ANLN: variants seen among roughly 807,000 people sequenced by gnomAD.
ANLN encodes anillin.
ANLN carries 59 observed loss-of-function variants against 135.1 expected under a neutral mutation model. The observed-to-expected ratio is 0.44, with a 90% CI of 0.35 to 0.54. ANLN has a LOEUF of 0.54. Ranked by LOEUF, ANLN falls within the 20% of genes least tolerant of loss-of-function variation. The probability of loss-of-function intolerance (pLI) is 0.00; values close to 1 mark genes in which losing one functional copy is unlikely to be tolerated. For synonymous variants in ANLN, 406 were observed against 456.4 expected (o/e 0.89, Z 1.41); for missense variants, 1,182 against 1,340.0 (o/e 0.88, Z 1.84).
intron 21 of ANLN, 57 bp from the exon 22 acceptor site, chr7:36,443,698 A>G: frequency 4.3e-6 from 5 of 1,150,362 alleles, no homozygotes; most frequent in Non-Finnish European, 6.4e-6. Context: ...TCAGCATTTC[A>G]TTGTTAGGAC....
At position 36,406,246 on chromosome 7, in the gene ANLN, A is replaced by G. The variant is rs61737563; in HGVS notation, c.553A>G (p.Arg185Gly). ...AGAGGAAAAGGCTGCTTCCCCTCCC[A>G]GACCTCTGCTTTCAAATGCCTCGGC... is the stretch of plus-strand genomic sequence containing the variant. ...PSEEKAASPP[R>G]PLLSNASATP... Residue 185 changes from arginine to glycine, a missense_variant, in exon 4 of 24, where the codon AGA becomes GGA. By Grantham distance (125) the Arg-to-Gly change is moderately radical (BLOSUM62 -2). Transcript: ENST00000265748. 21 of 1,613,962 alleles carry G rather than the reference A, an allele frequency of 1.3e-5. No individual in the cohort carries two copies. The highest frequency in any genetic ancestry group is 1.6e-4 in the Middle Eastern group (1 of 6,062).
In ANLN at chr7:36,409,865, T is replaced by G. The variant is rs62445298; in HGVS notation, c.1097-649T>G. ...TTTAGTATTTTTTATAGAGATGGGA[T>G]TCCTCCATGTTGCCCGGGCTGGTCT... On this transcript the variant is annotated intron_variant, in intron 5 of 23. Coordinates refer to ENST00000265748, the MANE Select transcript of ANLN (RefSeq NM_018685.5). Among the ~76,000 whole-genome samples, 257 of 152,218 alleles carry G rather than the reference T, an allele frequency of 1.7e-3. 1 individual carries two copies. The highest frequency in any genetic ancestry group is 4.4e-3 in the South Asian group (21 of 4,822).
chr7:36,446,104 C>T lies in ANLN; in HGVS notation c.3078+2242C>T, dbSNP rs746319089. Among the ~76,000 whole-genome samples, 8 of 152,064 alleles carry T rather than the reference C, an allele frequency of 5.3e-5. No homozygotes were observed. In the South Asian group the frequency reaches 1.0e-3, roughly 20 times the overall value. On this transcript the variant is annotated intron_variant, in intron 22 of 23. Coordinates refer to ENST00000265748, the MANE Select transcript of ANLN (RefSeq NM_018685.5). ...TATATTTCCCTAGTCTTAGGCCTGG[C>T]GTATCTTTTAATTTATCTTTATAGT...
chr7:36,422,446 T>C (rs1358315751), intron 13 of ANLN, among the ~76,000 whole-genome samples, 187 bp from the exon 14 acceptor site: 1 of 152,170 alleles, frequency 6.6e-6, no homozygotes, highest in African/African-American at 2.4e-5. Context: ...ATGTATTAAA[T>C]TATAAGGACT....
chr7:36,437,624 G>T (rs73106361), intron 20 of ANLN, among the ~76,000 whole-genome samples: 6,127 of 152,044 alleles, frequency 0.04, 150 homozygotes, highest in African/African-American at 0.06. Flanking sequence ...GTAATGAAAG[G>T]TTTTTAATTC....
intron 11 of ANLN, 36 bp from the exon 12 acceptor site, chr7:36,420,561 C>G: frequency 6.4e-7 from 1 of 1,569,538 alleles, no homozygotes; most frequent in South Asian, 1.1e-5. Flanking sequence ...CAGTGTGTTG[C>G]TGGATTTCTA....
At chr7:36,422,019 C>G in intron 13 of ANLN, 27 bp downstream of exon 13, 1 of 1,593,796 alleles carries the variant, frequency 6.3e-7, no homozygotes, top group Non-Finnish European at 8.5e-7. Flanking sequence ...TGAAAGAGTT[C>G]CAACAAATTT....
intron 20 of ANLN, among the ~76,000 whole-genome samples, chr7:36,437,625 T>C (rs1456099740): frequency 1.3e-5 from 2 of 151,894 alleles, no homozygotes; most frequent in Non-Finnish European, 2.9e-5. Context: ...TAATGAAAGG[T>C]TTTTAATTCT....
In ANLN at chr7:36,406,538, T is replaced by C; in HGVS notation, c.845T>C (p.Leu282Ser). The C allele has an allele frequency of 6.6e-7, 1 of 1,519,936 alleles. No homozygotes were observed. The allele number at this position is 1,519,936 out of a possible 1,614,324, so 94.2% of individuals were successfully genotyped here. A position where few individuals can be genotyped will look rare whatever the true frequency, so the allele number is the denominator to read the frequency against. ...TCCTCAAGTGCTGATGATGCGTCTT[T>C]GGTTAATGCCTCAATTTCCAGCTCT... ...ALSSSADDAS[L>S]VNASISSSVK... The change falls in exon 4 of 24, where the codon TTG (leucine) becomes TCG (serine). Residue 282 changes from leucine to serine, a missense_variant. Around this residue, in one of 3 missense-constraint regions of ANLN, gnomAD observed 1,022 missense variants for 1,134.0 expected, o/e 0.90. Transcript: ENST00000265748.
chr7:36,447,822 T>C (rs1789077429), intron 22 of ANLN, among the ~76,000 whole-genome samples: 1 of 152,196 alleles, frequency 6.6e-6, no homozygotes, highest in East Asian at 1.9e-4. Flanking sequence ...AGTTTGTTTC[T>C]AGAATTTTTC....
At chr7:36,395,116 C>A (rs747744446) in intron 1 of ANLN, among the ~76,000 whole-genome samples, 9 of 152,160 alleles carry the variant, frequency 5.9e-5, no homozygotes, top group Admixed American at 1.3e-4. Flanking sequence ...TTTAGTGGCT[C>A]TATTAGTTTT....
At chr7:36,452,293 A>C (rs1259833879) in intron 23 of ANLN, among the ~76,000 whole-genome samples, 184 bp from the exon 24 acceptor site, 3 of 152,208 alleles carry the variant, frequency 2.0e-5, no homozygotes, top group African/African-American at 7.2e-5. Flanking sequence ...AACTGGGGAT[A>C]ATTTTCCTCT....
At chr7:36,393,283 C>T (rs1786558775) in intron 1 of ANLN, among the ~76,000 whole-genome samples, 1 of 152,160 alleles carries the variant, frequency 6.6e-6, no homozygotes. Context: ...CTTGGCCTCC[C>T]AAAGTGCTGG....
intron 4 of ANLN, among the ~76,000 whole-genome samples, chr7:36,407,252 GA>G (rs1245908901): frequency 6.6e-6 from 1 of 151,900 alleles, no homozygotes; most frequent in Non-Finnish European, 1.5e-5. Flanking sequence ...TGTAAAATAG[GA>G]AAAAAAGGTT....
chr7:36,435,386 G>A (rs929844289), intron 20 of ANLN, among the ~76,000 whole-genome samples: 1 of 68,232 alleles, frequency 1.5e-5, no homozygotes, highest in African/African-American at 5.0e-5. Context: ...TAGAGATGGT[G>A]GGGGGGGGGT....
chr7:36,400,103 C>T (rs1786877419), intron 3 of ANLN, among the ~76,000 whole-genome samples: 1 of 152,040 alleles, frequency 6.6e-6, no homozygotes, highest in South Asian at 2.1e-4. Context: ...AAAGTAAAGT[C>T]ATTTTATTAA....
intron 20 of ANLN, among the ~76,000 whole-genome samples, chr7:36,428,840 G>A (rs10278452): frequency 2.7e-3 from 399 of 145,476 alleles, no homozygotes; most frequent in African/African-American, 9.9e-3. Context: ...GTGCAGTGGC[G>A]TGATCGTGGC....
chr7:36,422,831 A>G (rs905551073), intron 14 of ANLN, 22 bp downstream of exon 14: 3 of 1,572,544 alleles, frequency 1.9e-6, no homozygotes, highest in African/African-American at 1.4e-5. Flanking sequence ...ATTTTTCTAG[A>G]TTGTGTGTTA....
At chr7:36,414,972 T>C (rs1313556147) in intron 7 of ANLN, among the ~76,000 whole-genome samples, 2 of 152,202 alleles carry the variant, frequency 1.3e-5, no homozygotes, top group African/African-American at 4.8e-5. Context: ...GCAATAGATA[T>C]AAGGTGCTTA....
Sources: gnomAD v4.1 joint callset for allele counts (sites outside exome capture counted in the v4.1 genomes callset) on GRCh38, gnomAD v4.1.1 for gene constraint, gnomAD v4.1.1 regional missense constraint, MANE v1.5 for transcripts, NCBI Gene and HGNC (gene_info 2026-07-23, HGNC 2026-07-21) for gene names.